Variants in AGTPBP1 observed in about 807,000 individuals in gnomAD.
AGTPBP1 encodes the protein ATP/GTP binding carboxypeptidase 1.
A neutral mutation model predicts 143.9 loss-of-function variants in AGTPBP1; 70 were observed. That is an observed-to-expected ratio of 0.49 (90% CI 0.40 to 0.59). AGTPBP1 has a LOEUF of 0.59. AGTPBP1 is among the 20% of genes least tolerant of loss of function. The pLI is 0.00. For synonymous variants in AGTPBP1, 463 were observed against 500.2 expected (o/e 0.93, Z 0.99); for missense variants, 1,229 against 1,464.5 (o/e 0.84, Z 2.62).
chr9:85,546,759 A>C lies in AGTPBP1; in HGVS notation c.*350T>G, dbSNP rs1825765678. The C allele has an allele frequency of 6.3e-6, 1 of 159,696 alleles. No individual in the cohort carries two copies. The highest frequency in any genetic ancestry group is 1.4e-5 in the Non-Finnish European group (1 of 73,358). 9.9% of individuals were successfully genotyped at this position (159,696 alleles called of 1,614,324 possible). A position where few individuals can be genotyped will look rare whatever the true frequency, so the allele number is the denominator to read the frequency against. On this transcript the variant is annotated 3_prime_UTR_variant, in exon 26 of 26. Coordinates refer to ENST00000357081, the MANE Select transcript of AGTPBP1 (RefSeq NM_001330701.2). ...CAAGTCAGGATTTTCAACAACTCTA[A>C]AATTTCAATTTTATATTCTGAACAC...
intron 2 of AGTPBP1, among the ~76,000 whole-genome samples, chr9:85,710,342 T>C (rs573060297): frequency 3.1e-4 from 47 of 152,242 alleles, no homozygotes; most frequent in African/African-American, 1.1e-3. Flanking sequence ...AAAGACAGTA[T>C]CTACAGAAGC....
intron 17 of AGTPBP1, among the ~76,000 whole-genome samples, chr9:85,605,858 AT>A (rs1431781159): frequency 6.6e-6 from 1 of 152,058 alleles, no homozygotes; most frequent in African/African-American, 2.4e-5. Flanking sequence ...ACAAGATGTT[AT>A]CTGCAAGCCT....
At chr9:85,712,038 T>C (rs558941102) in intron 2 of AGTPBP1, among the ~76,000 whole-genome samples, 1 of 152,006 alleles carries the variant, frequency 6.6e-6, no homozygotes, top group East Asian at 1.9e-4. Context: ...CCAAGGCGGG[T>C]GGATCACCTG....
chr9:85,672,936 T>C (rs1394705217), intron 6 of AGTPBP1, among the ~76,000 whole-genome samples: 1 of 152,032 alleles, frequency 6.6e-6, no homozygotes, highest in South Asian at 2.1e-4. Context: ...GCTTTCGCCA[T>C]GTTGGCCAGG....
At chr9:85,690,467 A>G (rs1266894124) in intron 3 of AGTPBP1, among the ~76,000 whole-genome samples, 2 of 151,846 alleles carry the variant, frequency 1.3e-5, no homozygotes, top group South Asian at 4.2e-4. Flanking sequence ...TATGGTCAGG[A>G]GTATTTTCAG....
chr9:85,740,216 C>A (rs1824157411), intron 1 of AGTPBP1, among the ~76,000 whole-genome samples: 3 of 152,086 alleles, frequency 2.0e-5, no homozygotes, highest in Admixed American at 2.0e-4. Context: ...TGGCCAAATA[C>A]GAGGGTAGTT....
intron 13 of AGTPBP1, among the ~76,000 whole-genome samples, chr9:85,642,601 G>A (rs563453287): frequency 1.3e-5 from 2 of 151,104 alleles, no homozygotes; most frequent in Admixed American, 6.6e-5. Context: ...CAAAGTGCTG[G>A]GATTACAGGT....
At chr9:85,790,795 A>G in the AGTPBP1 span, among the ~76,000 whole-genome samples, 1 of 152,204 alleles carries the variant, frequency 6.6e-6, no homozygotes, top group African/African-American at 2.4e-5. Context: ...GTACTTTAAG[A>G]GGAAAAAACA....
intron 4 of AGTPBP1, among the ~76,000 whole-genome samples, chr9:85,680,976 G>T (rs1416578655): frequency 6.6e-6 from 1 of 152,086 alleles, no homozygotes; most frequent in Non-Finnish European, 1.5e-5. Flanking sequence ...GGCATGTTAG[G>T]ATTACAATTT....
intron 25 of AGTPBP1, among the ~76,000 whole-genome samples, chr9:85,569,468 G>C (rs1461983938): frequency 2.6e-5 from 4 of 152,058 alleles, no homozygotes; most frequent in Non-Finnish European, 5.9e-5. Context: ...ACCTGTATTG[G>C]GTGGGGGGAA....
intron 17 of AGTPBP1, among the ~76,000 whole-genome samples, chr9:85,618,373 G>A (rs1157086041): frequency 6.6e-6 from 1 of 152,090 alleles, no homozygotes; most frequent in African/African-American, 2.4e-5. Context: ...AGCAAATTAA[G>A]AGGAGGGAAC....
intron 25 of AGTPBP1, among the ~76,000 whole-genome samples, chr9:85,565,961 A>G (rs1333939007): frequency 6.6e-6 from 1 of 152,204 alleles, no homozygotes; most frequent in African/African-American, 2.4e-5. Context: ...GATAAAGTCT[A>G]ATGTGCTTAC....
At chr9:85,801,038 A>G in the AGTPBP1 span, among the ~76,000 whole-genome samples, 1 of 152,050 alleles carries the variant, frequency 6.6e-6, no homozygotes, top group Admixed American at 6.6e-5. Context: ...TGGGCCGGGT[A>G]CTGTGGCTCA....
At chr9:85,591,770 T>C (rs1828983163) in intron 19 of AGTPBP1, among the ~76,000 whole-genome samples, 1 of 152,156 alleles carries the variant, frequency 6.6e-6, no homozygotes, top group Non-Finnish European at 1.5e-5. Flanking sequence ...ACTATGTTTT[T>C]CTTTCATTTT....
the AGTPBP1 span, among the ~76,000 whole-genome samples, chr9:85,763,861 A>G: frequency 6.6e-6 from 1 of 152,204 alleles, no homozygotes; most frequent in East Asian, 1.9e-4. Context: ...ATGTGTCTCT[A>G]TAATAAACCT....
chr9:85,596,808 G>T (rs768541906), intron 17 of AGTPBP1, among the ~76,000 whole-genome samples: 7 of 151,720 alleles, frequency 4.6e-5, no homozygotes, highest in Non-Finnish European at 8.8e-5. Context: ...ACTCTCCGTG[G>T]ATTTCCATCT....
chr9:85,547,312 C>T, intron 25 of AGTPBP1, 26 bp from the exon 26 acceptor site: 4 of 1,574,078 alleles, frequency 2.5e-6, no homozygotes, highest in Non-Finnish European at 3.4e-6. Flanking sequence ...ACAGAACATA[C>T]AAGACTTTGT....
chr9:85,678,002 C>CTCAA (rs927823049), intron 5 of AGTPBP1, among the ~76,000 whole-genome samples: 3 of 152,288 alleles, frequency 2.0e-5, no homozygotes, highest in Admixed American at 1.3e-4. Context: ...AAAACTCCAT[C>CTCAA]TCAATCAATC....
At chr9:85,775,749 C>CA in the AGTPBP1 span, among the ~76,000 whole-genome samples, 1 of 151,938 alleles carries the variant, frequency 6.6e-6, no homozygotes, top group Non-Finnish European at 1.5e-5. Flanking sequence ...AAGCATTCAG[C>CA]ATGGGAGAAA....
Sources: gnomAD v4.1 joint callset for allele counts (sites outside exome capture counted in the v4.1 genomes callset) on GRCh38, gnomAD v4.1.1 for gene constraint, MANE v1.5 for transcripts, NCBI Gene and HGNC (gene_info 2026-07-23, HGNC 2026-07-21) for gene names.